The following NOP56 variants were observed in gnomAD, a reference collection of about 807,000 sequenced individuals.
The protein encoded by NOP56 is nucleolar protein 56.
Under a neutral mutation model 58.3 loss-of-function variants are expected in NOP56, and 31 were observed. That is an observed-to-expected ratio of 0.53 (90% CI 0.40 to 0.72). The LOEUF is 0.72. Ranked by LOEUF, NOP56 falls within the 30% of genes least tolerant of loss-of-function variation. The probability of loss-of-function intolerance (pLI) is 0.00; values close to 1 mark genes in which losing one functional copy is unlikely to be tolerated. For synonymous variants in NOP56, 313 were observed against 282.8 expected, an observed-to-expected ratio of 1.11 and a Z score of -1.07; for missense variants, 669 against 739.9, an observed-to-expected ratio of 0.90 and a Z score of 1.11.
chr20:2,654,460 G>A lies in NOP56; in HGVS notation c.255G>A (p.Pro85=), dbSNP rs767263688. ...GCCTGCTCTTGGAGACCCACCTGCCGTCCAAAAAGAAGAAAGTACTCTTGG... is the reference window on the plus strand; with the variant it reads ...GCCTGCTCTTGGAGACCCACCTGCCATCCAAAAAGAAGAAAGTACTCTTGG... The part of the protein sequence containing the change: ...DLRLLLETHL[P]SKKKKVLLGV... The change falls in exon 4 of 12, where the codon CCG becomes CCA. Residue 85 remains proline, a synonymous_variant. Coordinates refer to ENST00000329276, the MANE Select transcript of NOP56 (RefSeq NM_006392.4). 1.2e-5 allele frequency: 19 copies of A among 1,614,042 alleles called. No individual in the cohort carries two copies. Among genetic ancestry groups the A allele is most frequent in the South Asian group, 3.3e-5 (3 of 91,088 alleles).
intron 11 of NOP56, chr20:2,657,472 G>A (rs2086841154): frequency 1.5e-6 from 1 of 689,046 alleles, no homozygotes; most frequent in Non-Finnish European, 2.7e-6. Context: ...CTGCCTCCCA[G>A]GAGTCCTCAA....
chr20:2,652,687 G>A (rs777079335), intron 1 of NOP56, 24 bp downstream of exon 1: 2 of 1,473,514 alleles, frequency 1.4e-6, no homozygotes, highest in Non-Finnish European at 8.9e-7. Context: ...GCGGGGCGCG[G>A]GCGACGCGAC....
intron 11 of NOP56, 166 bp downstream of exon 11, chr20:2,657,384 G>C: frequency 1.9e-6 from 2 of 1,028,930 alleles, no homozygotes; most frequent in Non-Finnish European, 1.5e-6. Context: ...AAGGAGATAG[G>C]TGCTGAACTT....
Position 2,656,015 on chromosome 20 carries a change from G to A in NOP56, c.991G>A (p.Ala331Thr), listed in dbSNP as rs1339635348. 2 of 1,614,058 alleles carry A rather than the reference G, an allele frequency of 1.2e-6. No homozygotes were observed. Among genetic ancestry groups the A allele is most frequent in the Non-Finnish European group, 1.7e-6 (2 of 1,180,038 alleles). ...YPASTVQILG[A>T]EKALFRALKT... is the part of the protein sequence containing the mutation. Reference sequence around the variant, plus strand: ...AGCATCCACAGTGCAGATCCTTGGGGCTGAAAAGGCCCTGTTCAGGTACCA... The same window carrying A: ...AGCATCCACAGTGCAGATCCTTGGGACTGAAAAGGCCCTGTTCAGGTACCA... The change falls in exon 8 of 12, where the codon GCT becomes ACT. Residue 331 changes from alanine to threonine, a missense_variant. Ala to Thr is a moderately conservative substitution (Grantham distance 58). Coordinates refer to ENST00000329276, the MANE Select transcript of NOP56 (RefSeq NM_006392.4).
rs750719501 is a variant in NOP56 at position 2,655,939 on chromosome 20, T to G, written c.915T>G (p.Gly305=). 6 of 1,614,026 alleles carry G rather than the reference T, an allele frequency of 3.7e-6. No homozygotes were observed. The African/African-American group carries it at 8.0e-5, about 22-fold the overall frequency. The change falls in exon 8 of 12, where the codon GGT becomes GGG. Residue 305 remains glycine (G), a synonymous_variant. Coordinates refer to ENST00000329276, the MANE Select transcript of NOP56 (RefSeq NM_006392.4). ...SLSALIGEAV[G]ARLIAHAGSL... ...TTCCTTGACTCTCTCTCCAGGTAGG[T>G]GCACGTCTCATCGCACATGCTGGCA...
At position 2,653,297 on chromosome 20, in the gene NOP56, A is replaced by C; in HGVS notation, c.112A>C (p.Asn38His). The change falls in exon 3 of 12, where the codon AAC (asparagine) becomes CAC (histidine). Residue 38 changes from asparagine to histidine, a missense_variant. This residue lies in a region of NOP56 where 121 missense variants were observed against 113.1 expected (regional missense o/e 1.07). Transcript: ENST00000329276. ...CCCCCAGGTGGAGGAGTCTGTGCTC[A>C]ACCTGGGCAAATTCCACAGCATCGT... is the stretch of plus-strand genomic sequence containing the variant. ...LQPQVEESVLNLGKFHSIVRL... is the reference protein window; with the variant it reads ...LQPQVEESVLHLGKFHSIVRL... 1 of 1,614,072 alleles carries C rather than the reference A, an allele frequency of 6.2e-7. No individual in the cohort carries two copies. The highest frequency in any genetic ancestry group is 1.3e-5 in the African/African-American group (1 of 75,040).
At chr20:2,656,380 C>T (rs368704741) in intron 8 of NOP56, 21 bp from the exon 9 acceptor site, 26 of 1,613,874 alleles carry the variant, frequency 1.6e-5, no homozygotes, top group Admixed American at 3.3e-5. Context: ...ATCTTAAACT[C>T]TCCACTGAAT....
At chr20:2,653,609 G>A in intron 3 of NOP56, 2 of 551,312 alleles carry the variant, frequency 3.6e-6, no homozygotes, top group African/African-American at 3.8e-5. Context: ...CAGACGATGT[G>A]GAATGTGTGT....
chr20:2,653,201 G>A (rs1453502928), intron 2 of NOP56, 78 bp from the exon 3 acceptor site: 2 of 1,201,660 alleles, frequency 1.7e-6, no homozygotes, highest in African/African-American at 3.0e-5. Context: ...GAGCTTCCAA[G>A]GCTGAGAACC....
chr20:2,657,838 A>C, intron 11 of NOP56, 91 bp from the exon 12 acceptor site: 1 of 1,400,148 alleles, frequency 7.1e-7, no homozygotes, highest in South Asian at 1.5e-5. Flanking sequence ...GGGCAATGTT[A>C]ACGACACGCG....
Position 2,655,761 on chromosome 20 carries a change from A to C in NOP56, c.909+15A>C. On this transcript the variant is annotated intron_variant, in intron 7 of 11. Coordinates refer to ENST00000329276, the MANE Select transcript of NOP56 (RefSeq NM_006392.4). ...TTGGGGAAGCGGTGCGTCACAGGGG[A>C]CTCAAAAATGGGAGAATAAGGACTG... The C allele has an allele frequency of 6.2e-7, 1 of 1,614,036 alleles. No individual in the cohort carries two copies. Among genetic ancestry groups the C allele is most frequent in the Non-Finnish European group, 8.5e-7 (1 of 1,180,006 alleles).
chr20:2,653,911 C>T (rs1381789956), intron 3 of NOP56: 2 of 322,742 alleles, frequency 6.2e-6, no homozygotes, highest in South Asian at 2.5e-5. Context: ...CCTCGACCTC[C>T]CAAGGTGCTG....
chr20:2,656,966 C>T (rs2086830352), intron 10 of NOP56, 71 bp downstream of exon 10: 1 of 1,613,528 alleles, frequency 6.2e-7, no homozygotes, highest in African/African-American at 1.3e-5. Context: ...CTGAGCCTGA[C>T]CTTGTAGAAT....
chr20:2,654,200 C>G lies in NOP56; in HGVS notation c.209-214C>G, dbSNP rs1331281362. ...GACCTGAATGCAGTTGTTCCCATGGCTGGGCCAGGCTTTGCAGTGATGACT... is the reference window on the plus strand; with the variant it reads ...GACCTGAATGCAGTTGTTCCCATGGGTGGGCCAGGCTTTGCAGTGATGACT... On this transcript the variant is annotated intron_variant, in intron 3 of 11. Coordinates refer to ENST00000329276, the MANE Select transcript of NOP56 (RefSeq NM_006392.4). 9.3e-6 allele frequency: 7 copies of G among 748,974 alleles called. No individual in the cohort carries two copies. The African/African-American group carries it at 1.0e-4, about 11-fold the overall frequency. 46.4% of individuals were successfully genotyped at this position (748,974 alleles called of 1,614,324 possible).
chr20:2,655,668 C>A lies in NOP56; in HGVS notation c.831C>A (p.Tyr277Ter). The A allele has an allele frequency of 6.2e-7, 1 of 1,614,192 alleles. No individual in the cohort carries two copies. Among genetic ancestry groups the A allele is most frequent in the Non-Finnish European group, 8.5e-7 (1 of 1,180,028 alleles). ...GTCGTGTGGTGTCTTTATCTGAATA[C>A]CGCCAGAGCCTACACACTTACCTGC... The part of the protein sequence containing the change: ...FSSRVVSLSE[Y>*]RQSLHTYLRS... The change falls in exon 7 of 12, where the codon TAC becomes TAA. Residue 277 changes from tyrosine (Y) to a stop codon, truncating the protein, a stop_gained. Coordinates refer to ENST00000329276, the MANE Select transcript of NOP56 (RefSeq NM_006392.4). LOFTEE classifies it high-confidence loss of function.
At position 2,655,646 on chromosome 20, in the gene NOP56, G is replaced by A. The variant is rs748779510; in HGVS notation, c.809G>A (p.Arg270His). 2.5e-5 allele frequency: 41 copies of A among 1,614,018 alleles called. No individual in the cohort carries two copies. Among genetic ancestry groups the A allele is most frequent in the Admixed American group, 1.0e-4 (6 of 59,996 alleles). The change falls in exon 7 of 12, where the codon CGT becomes CAT. Residue 270 changes from arginine to histidine, a missense_variant. By Grantham distance (29) the Arg-to-His change is conservative (BLOSUM62 0). This residue lies in a region of NOP56 where 339 missense variants were observed against 430.5 expected (regional missense o/e 0.79). Coordinates refer to ENST00000329276, the MANE Select transcript of NOP56 (RefSeq NM_006392.4). ...ATAAACATCGAGAGCTTCTCCAGTCGTGTGGTGTCTTTATCTGAATACCGC... is the reference window on the plus strand; with the variant it reads ...ATAAACATCGAGAGCTTCTCCAGTCATGTGGTGTCTTTATCTGAATACCGC... ...DLINIESFSS[R>H]VVSLSEYRQS...
At position 2,652,727 on chromosome 20, in the gene NOP56, C is replaced by T. The variant is rs1164318089; in HGVS notation, c.3+64C>T. 3.2e-5 allele frequency: 43 copies of T among 1,341,884 alleles called. 1 individual carries two copies. The highest frequency in any genetic ancestry group is 4.0e-5 in the Non-Finnish European group (42 of 1,044,466). 83.1% of individuals were successfully genotyped at this position (1,341,884 alleles called of 1,614,324 possible). ...GGGGTTTCGGCCTGCGTTCGGGCCG[C>T]AGACAGGGCCTGGGCCTGGGCCTGG... On this transcript the variant is annotated intron_variant, in intron 1 of 11. Transcript: ENST00000329276.
At chr20:2,655,555 A>G (rs2086805917) in intron 6 of NOP56, 40 bp from the exon 7 acceptor site, 2 of 1,614,184 alleles carry the variant, frequency 1.2e-6, no homozygotes, top group Non-Finnish European at 1.7e-6. Context: ...ATGGGGCTCT[A>G]AATAGCTGGC....
In NOP56 at chr20:2,657,195, A is replaced by G; in HGVS notation, c.1396A>G (p.Ser466Gly). 1.1e-5 allele frequency: 17 copies of G among 1,614,110 alleles called. No individual in the cohort carries two copies. Among genetic ancestry groups the G allele is most frequent in the Non-Finnish European group, 1.4e-5 (16 of 1,179,970 alleles). Residue 466 changes from serine to glycine, a missense_variant, in exon 11 of 12, where the codon AGT becomes GGT. Coordinates refer to ENST00000329276, the MANE Select transcript of NOP56 (RefSeq NM_006392.4). The part of the protein sequence containing the change: ...ALALASSENS[S>G]STPEECEEMS... Reference sequence around the variant, plus strand: ...TGCCCTCGCGTCTTCAGAAAACAGCAGTAGTACTCCAGAGGAGTGTGAGGT... The same window carrying G: ...TGCCCTCGCGTCTTCAGAAAACAGCGGTAGTACTCCAGAGGAGTGTGAGGT...
Sources: gnomAD v4.1 joint callset for allele counts on GRCh38, gnomAD v4.1.1 for gene constraint, gnomAD v4.1.1 regional missense constraint, MANE v1.5 for transcripts, NCBI Gene and HGNC (gene_info 2026-07-23, HGNC 2026-07-21) for gene names.